IQCK: variants seen among roughly 807,000 people sequenced by gnomAD.
IQCK encodes the protein IQ motif containing K.
IQCK carries 29 observed loss-of-function variants against 28.1 expected under a neutral mutation model. The ratio of observed to expected loss-of-function variants is 1.03; its 90% CI spans 0.77 to 1.41. The LOEUF (loss-of-function observed/expected upper bound fraction) is 1.41. IQCK is among the 40% of genes most tolerant of loss of function. IQCK has a pLI of 0.00. For synonymous variants in IQCK, 113 were observed against 115.1 expected (o/e 0.98, Z 0.12); for missense variants, 359 against 314.7 (o/e 1.14, Z -1.07).
At chr16:19,727,188 A>G (rs1977683252) in intron 1 of IQCK, among the ~76,000 whole-genome samples, 1 of 152,044 alleles carries the variant, frequency 6.6e-6, no homozygotes, top group East Asian at 1.9e-4. Context: ...TATAAATTTC[A>G]AATAAGGCAA....
At chr16:19,759,202 T>A (rs1261629222) in intron 4 of IQCK, among the ~76,000 whole-genome samples, 6 of 152,232 alleles carry the variant, frequency 3.9e-5, no homozygotes, top group East Asian at 1.9e-4. Flanking sequence ...GTCAATTTTT[T>A]AAAATTAATT....
chr16:19,814,835 C>G (rs1287960087), intron 7 of IQCK, among the ~76,000 whole-genome samples: 1 of 139,602 alleles, frequency 7.2e-6, no homozygotes, highest in East Asian at 2.1e-4. Flanking sequence ...CTGCCCAGGT[C>G]GGAGTGCCAT....
chr16:19,835,061 T>C (rs1292485740), intron 9 of IQCK, among the ~76,000 whole-genome samples: 1 of 152,048 alleles, frequency 6.6e-6, no homozygotes, highest in Non-Finnish European at 1.5e-5. Flanking sequence ...GGCCGGGAGT[T>C]TGAGATCAGC....
At chr16:19,828,895 T>A (rs2056189574), downstream of IQCK, among the ~76,000 whole-genome samples, 1 of 142,616 alleles carries the variant, frequency 7.0e-6, no homozygotes, top group South Asian at 2.1e-4. Flanking sequence ...AAATATATAT[T>A]ATATATATTT....
intron 3 of IQCK, 52 bp from the exon 4 acceptor site, chr16:19,735,301 T>A (rs1977975888): frequency 1.7e-6 from 2 of 1,195,228 alleles, no homozygotes; most frequent in Non-Finnish European, 2.5e-6. Flanking sequence ...TCTCCCAGAT[T>A]GGCTCGGGCC....
At chr16:19,743,499 CT>C (rs1180282301) in intron 4 of IQCK, among the ~76,000 whole-genome samples, 3 of 152,210 alleles carry the variant, frequency 2.0e-5, no homozygotes, top group Admixed American at 6.5e-5. Context: ...GTTGTCAGCA[CT>C]TTTTGAGCCT....
chr16:19,769,546 G>C (rs2055289200), intron 6 of IQCK, among the ~76,000 whole-genome samples: 1 of 152,184 alleles, frequency 6.6e-6, no homozygotes, highest in South Asian at 2.1e-4. Context: ...ATTTGGTCCA[G>C]TCACAGGAAA....
intron 9 of IQCK, among the ~76,000 whole-genome samples, chr16:19,842,722 C>T (rs984136296): frequency 1.3e-4 from 20 of 152,172 alleles, no homozygotes; most frequent in Admixed American, 1.2e-3. Context: ...ACGTCTTAAA[C>T]GCTATAGTTA....
chr16:19,737,321 G>T (rs940757524), intron 4 of IQCK, among the ~76,000 whole-genome samples: 1 of 152,064 alleles, frequency 6.6e-6, no homozygotes, highest in Non-Finnish European at 1.5e-5. Context: ...GCCTACTGCC[G>T]TGCTGGTACT....
At chr16:19,752,721 G>A (rs2055002584) in intron 4 of IQCK, among the ~76,000 whole-genome samples, 1 of 152,064 alleles carries the variant, frequency 6.6e-6, no homozygotes, top group Non-Finnish European at 1.5e-5. Flanking sequence ...ATGCCACCAT[G>A]CCTGGCTAGT....
At chr16:19,849,146 C>T (rs2056448766) in intron 9 of IQCK, among the ~76,000 whole-genome samples, 1 of 151,952 alleles carries the variant, frequency 6.6e-6, no homozygotes. Flanking sequence ...GGTATATTTT[C>T]TGGTGATTCT....
exon 10 of IQCK, chr16:19,857,560 A>G (rs2056577556): frequency 2.7e-6 from 1 of 367,120 alleles, no homozygotes; most frequent in Non-Finnish European, 5.1e-6. Flanking sequence ...GCTCTTCATC[A>G]GTTAATAAAA....
intron 6 of IQCK, among the ~76,000 whole-genome samples, chr16:19,764,591 G>T (rs1043666712): frequency 2.6e-5 from 4 of 152,030 alleles, no homozygotes; most frequent in Non-Finnish European, 4.4e-5. Flanking sequence ...AATCACTTCA[G>T]TCTACAGTGC....
intron 7 of IQCK, among the ~76,000 whole-genome samples, chr16:19,826,023 A>T (rs921623081): frequency 6.6e-6 from 1 of 152,116 alleles, no homozygotes; most frequent in African/African-American, 2.4e-5. Context: ...ATAATTTTTT[A>T]TTTTTATTTT....
intron 4 of IQCK, among the ~76,000 whole-genome samples, chr16:19,745,926 T>A (rs2054905165): frequency 6.6e-6 from 1 of 152,152 alleles, no homozygotes; most frequent in Non-Finnish European, 1.5e-5. Flanking sequence ...AGCGTGGTGG[T>A]CTCCAGCAGC....
chr16:19,819,866 C>T (rs1057221181), intron 7 of IQCK, among the ~76,000 whole-genome samples: 1 of 151,084 alleles, frequency 6.6e-6, no homozygotes, highest in African/African-American at 2.4e-5. Flanking sequence ...ACAGAAAGTC[C>T]ATACAGTTTA....
At chr16:19,838,477 G>A (rs2056324215) in intron 9 of IQCK, among the ~76,000 whole-genome samples, 1 of 152,274 alleles carries the variant, frequency 6.6e-6, no homozygotes, top group East Asian at 1.9e-4. Flanking sequence ...ATTTGAACCT[G>A]TCACACCCAG....
intron 3 of IQCK, among the ~76,000 whole-genome samples, chr16:19,735,128 A>T (rs997896867): frequency 6.6e-6 from 1 of 152,124 alleles, no homozygotes; most frequent in Non-Finnish European, 1.5e-5. Context: ...ACCTGGCCTT[A>T]TGTAGGATAC....
intron 4 of IQCK, among the ~76,000 whole-genome samples, chr16:19,741,281 C>G (rs1269287918): frequency 1.3e-5 from 2 of 152,078 alleles, no homozygotes; most frequent in East Asian, 3.8e-4. Context: ...ATGTATATTC[C>G]ATTGTGCAAC....
Sources: gnomAD v4.1 joint callset for allele counts (sites outside exome capture counted in the v4.1 genomes callset) on GRCh38, gnomAD v4.1.1 for gene constraint, MANE v1.5 for transcripts, NCBI Gene and HGNC (gene_info 2026-07-23, HGNC 2026-07-21) for gene names.